SEMA6A: variants seen among roughly 807,000 people sequenced by gnomAD.
SEMA6A encodes semaphorin-6A.
A neutral mutation model predicts 96.8 loss-of-function variants in SEMA6A; 25 were observed. That is an observed-to-expected ratio of 0.26 (90% CI 0.19 to 0.36). SEMA6A has a LOEUF of 0.36. SEMA6A is among the 10% of genes least tolerant of loss of function. SEMA6A has a pLI of 1.00. For missense variants in SEMA6A, 1,363 were observed against 1,323.1 expected (o/e 1.03, Z -0.47); for synonymous variants, 612 against 518.0 (o/e 1.18, Z -2.46).
At chr5:116,540,913 A>G (rs570680253) in intron 1 of SEMA6A, among the ~76,000 whole-genome samples, 1 of 152,296 alleles carries the variant, frequency 6.6e-6, no homozygotes, top group African/African-American at 2.4e-5. Flanking sequence ...TGTAAATAAT[A>G]TATTCCATTA....
intron 17 of SEMA6A, 164 bp from the exon 18 acceptor site, chr5:116,467,911 T>C (rs1755872774): frequency 7.7e-6 from 5 of 646,620 alleles, no homozygotes; most frequent in Non-Finnish European, 1.3e-5. Flanking sequence ...GTGGTGGTGG[T>C]GGTGTGGGGT....
intron 1 of SEMA6A, among the ~76,000 whole-genome samples, chr5:116,557,128 A>C (rs1259464002): frequency 1.3e-5 from 2 of 152,258 alleles, no homozygotes; most frequent in African/African-American, 2.4e-5. Context: ...TGTAATAGAA[A>C]AATGTGTTGA....
Position 116,523,649 on chromosome 5 carries a change from T to C in SEMA6A, c.-38-18667A>G, listed in dbSNP as rs115997746. 6.4e-3 allele frequency among the ~76,000 whole-genome samples: 978 copies of C among 152,228 alleles called. 17 individuals carry two copies. The highest frequency in any genetic ancestry group is 0.022 in the African/African-American group (925 of 41,554). ...TCATATTTTTATGCAAAAATATGCA[T>C]AAAACTGAGTATAGACCAGTGCTTT... On this transcript the variant is annotated intron_variant, in intron 1 of 18. Transcript: ENST00000343348.
Position 116,444,190 on chromosome 5 carries a change from A to C in SEMA6A, c.*2423T>G, listed in dbSNP as rs1188766660. On this transcript the variant is annotated 3_prime_UTR_variant, in exon 19 of 19. Coordinates refer to ENST00000343348, the MANE Select transcript of SEMA6A (RefSeq NM_020796.5). The stretch of plus-strand genomic sequence containing the variant: ...AGGAAATACTTCAGGGTTTCAGGAG[A>C]CAGAGTTCACAGGATGTGAACATGG... 6.6e-6 allele frequency: 1 copy of C among 152,074 alleles called. No individual in the cohort carries two copies. Among genetic ancestry groups the C allele is most frequent in the Admixed American group, 6.6e-5 (1 of 15,262 alleles). The allele number at this position is 152,074 out of a possible 1,614,324, so 9.4% of individuals were successfully genotyped here.
At chr5:116,517,855 T>A (rs1275890131) in intron 1 of SEMA6A, among the ~76,000 whole-genome samples, 1 of 152,098 alleles carries the variant, frequency 6.6e-6, no homozygotes, top group African/African-American at 2.4e-5. Flanking sequence ...CTGTAGAAAA[T>A]GGACAGACTT....
In SEMA6A at chr5:116,531,224, T is replaced by C. The variant is rs182327698; in HGVS notation, c.-38-26242A>G. 4.0e-4 allele frequency among the ~76,000 whole-genome samples: 61 copies of C among 151,972 alleles called. 1 individual carries two copies. The highest frequency in any genetic ancestry group is 2.2e-3 in the Admixed American group (33 of 15,258). On this transcript the variant is annotated intron_variant, in intron 1 of 18. Transcript: ENST00000343348. ...CGGTGGGGATTGGGGGGATCCAGAGTAGAGAAAAGGGGTCAATAAAGTTTT... is the reference window on the plus strand; with the variant it reads ...CGGTGGGGATTGGGGGGATCCAGAGCAGAGAAAAGGGGTCAATAAAGTTTT...
Position 116,446,934 on chromosome 5 carries a change from C to G in SEMA6A, c.2772G>C (p.Ser924=), listed in dbSNP as rs537834032. Residue 924 remains serine, a synonymous_variant, in exon 19 of 19, where the codon TCG becomes TCC. Coordinates refer to ENST00000343348, the MANE Select transcript of SEMA6A (RefSeq NM_020796.5). ...TGGTGGCCTGGTGGCTTCTCGTGAGCGAGTTCGTGGGGTAGCTCCTCTTAT... is the reference window on the plus strand; with the variant it reads ...TGGTGGCCTGGTGGCTTCTCGTGAGGGAGTTCGTGGGGTAGCTCCTCTTAT... ...VDYKRSYPTN[S]LTRSHQATTL... is the part of the protein sequence containing the mutation. 2.5e-6 allele frequency: 4 copies of G among 1,613,916 alleles called. No homozygotes were observed. The highest frequency in any genetic ancestry group is 3.4e-6 in the Non-Finnish European group (4 of 1,179,872).
At chr5:116,554,390 T>A (rs555006584) in intron 1 of SEMA6A, among the ~76,000 whole-genome samples, 7 of 152,216 alleles carry the variant, frequency 4.6e-5, no homozygotes, top group African/African-American at 1.7e-4. Flanking sequence ...TTATGGGGCA[T>A]AGTCAAACCA....
intron 1 of SEMA6A, among the ~76,000 whole-genome samples, chr5:116,522,389 G>C (rs560169714): frequency 2.0e-5 from 3 of 152,130 alleles, no homozygotes; most frequent in Non-Finnish European, 4.4e-5. Context: ...CCAGGATCCC[G>C]TCTCTTCGCA....
chr5:116,515,378 C>T (rs1352438130), intron 1 of SEMA6A, among the ~76,000 whole-genome samples: 1 of 152,096 alleles, frequency 6.6e-6, no homozygotes, highest in East Asian at 1.9e-4. Flanking sequence ...AGTATAAGCT[C>T]AGAATATTGG....
intron 1 of SEMA6A, among the ~76,000 whole-genome samples, chr5:116,523,037 A>G (rs924337056): frequency 6.6e-6 from 1 of 152,148 alleles, no homozygotes; most frequent in Non-Finnish European, 1.5e-5. Flanking sequence ...CCCACTGTGC[A>G]AGGATGTGGT....
At chr5:116,457,869 A>T (rs931254781) in intron 18 of SEMA6A, among the ~76,000 whole-genome samples, 1 of 152,152 alleles carries the variant, frequency 6.6e-6, no homozygotes, top group African/African-American at 2.4e-5. Context: ...ATCTCCCTGG[A>T]ACCAACAAAT....
chr5:116,467,526 C>T, intron 18 of SEMA6A, 57 bp downstream of exon 18: 1 of 1,531,556 alleles, frequency 6.5e-7, no homozygotes, highest in Non-Finnish European at 8.8e-7. Flanking sequence ...GTTACACAGT[C>T]CTCCCCACTT....
chr5:116,557,105 C>G (rs2112895893), intron 1 of SEMA6A, among the ~76,000 whole-genome samples: 1 of 152,318 alleles, frequency 6.6e-6, no homozygotes, highest in Middle Eastern at 3.4e-3. Context: ...CTTGGATCTA[C>G]TCTTTGAAGG....
chr5:116,553,175 A>AT (rs532269995), intron 1 of SEMA6A, among the ~76,000 whole-genome samples: 1 of 152,226 alleles, frequency 6.6e-6, no homozygotes, highest in Non-Finnish European at 1.5e-5. Context: ...TATCAGATCT[A>AT]TTTTTTGTGA....
At chr5:116,472,565 C>T in intron 17 of SEMA6A, 1 of 252,284 alleles carries the variant, frequency 4.0e-6, no homozygotes, top group Non-Finnish European at 7.5e-6. Context: ...GAGCATTATT[C>T]CTTTGTCTTG....
intron 7 of SEMA6A, among the ~76,000 whole-genome samples, chr5:116,489,271 G>A (rs1284142456): frequency 6.6e-6 from 1 of 152,122 alleles, no homozygotes; most frequent in Admixed American, 6.5e-5. Flanking sequence ...TCAGGGAACA[G>A]GGTAGATGAA....
intron 6 of SEMA6A, among the ~76,000 whole-genome samples, chr5:116,493,282 G>T (rs1260256321): frequency 2.6e-5 from 4 of 152,180 alleles, no homozygotes; most frequent in Non-Finnish European, 5.9e-5. Flanking sequence ...GGATTTGTTA[G>T]AAGCATTAAT....
intron 17 of SEMA6A, chr5:116,468,618 TCTCC>T (rs1755918436): frequency 6.6e-6 from 1 of 152,170 alleles, no homozygotes; most frequent in African/African-American, 2.4e-5. Flanking sequence ...GTTTGTAAGC[TCTCC>T]CTCCATCATT....
Sources: allele counts gnomAD v4.1 joint callset (sites outside exome capture counted in the v4.1 genomes callset), GRCh38; gene constraint gnomAD v4.1.1; transcripts MANE v1.5; gene names NCBI Gene and HGNC (gene_info 2026-07-23, HGNC 2026-07-21).